GYG2: variants seen among roughly 807,000 people sequenced by gnomAD.
GYG2 encodes the protein glycogenin 2, also known as glycogenin-2.
A neutral mutation model predicts 29.4 loss-of-function variants in GYG2; 29 were observed. The observed-to-expected ratio is 0.99, with a 90% CI of 0.74 to 1.35. GYG2 has a LOEUF of 1.35. GYG2 is among the 40% of genes most tolerant of loss of function. The probability of loss-of-function intolerance (pLI) is 0.00; values close to 1 mark genes in which losing one functional copy is unlikely to be tolerated. For missense variants in GYG2, 370 were observed against 385.7 expected (o/e 0.96, Z 0.34); for synonymous variants, 167 against 172.3 (o/e 0.97, Z 0.24).
chrX:2,860,663 T>A (rs1304339309), intron 7 of GYG2, among the ~76,000 whole-genome samples: 1 of 79,983 alleles, frequency 1.3e-5, no homozygotes, highest in African/African-American at 4.2e-5. Context: ...TTTTTTTTTT[T>A]AACTAGAGCA....
At chrX:2,865,343 C>G (rs1299305202) in intron 8 of GYG2, among the ~76,000 whole-genome samples, 1 of 111,507 alleles carries the variant, frequency 9.0e-6, no homozygotes, top group Non-Finnish European at 1.9e-5. Flanking sequence ...AGTGACAGCA[C>G]TTAGCACTCT....
At chrX:2,868,587 TA>T (rs2088366094) in intron 8 of GYG2, among the ~76,000 whole-genome samples, 1 of 110,496 alleles carries the variant, frequency 9.1e-6, no homozygotes, top group East Asian at 2.8e-4. Flanking sequence ...GAAATTGACC[TA>T]AAAAAATTTG....
At chrX:2,840,680 A>C (rs1184896093) in intron 2 of GYG2, among the ~76,000 whole-genome samples, 1 of 111,577 alleles carries the variant, frequency 9.0e-6, no homozygotes, top group Non-Finnish European at 1.9e-5. Flanking sequence ...TGATAGGTAG[A>C]TGGTAGGTAT....
chrX:2,864,624 CG>C (rs1202607131), intron 8 of GYG2, among the ~76,000 whole-genome samples: 1 of 111,302 alleles, frequency 9.0e-6, no homozygotes, highest in East Asian at 2.8e-4. Context: ...TTTCCGGTTG[CG>C]TAATTTTAAT....
In GYG2 at chrX:2,881,178, C is replaced by G. The variant is rs981479643; in HGVS notation, c.1378C>G (p.Arg460Gly). ...CTACATGGGGAAGGACGCGTTTGCT[C>G]GCATCCAGGAGAAGCTGGACCGGTT... ...IDYMGKDAFA[R>G]IQEKLDRFLQ Residue 460 changes from arginine to glycine, a missense_variant, in exon 11 of 11, where the codon CGC becomes GGC. Arg to Gly is a moderately radical substitution (Grantham distance 125). Transcript: ENST00000398806. 17 of 1,197,737 alleles carry G rather than the reference C, an allele frequency of 1.4e-5. No homozygotes were observed. The highest frequency in any genetic ancestry group is 1.6e-5 in the Non-Finnish European group (14 of 888,974).
intron 8 of GYG2, among the ~76,000 whole-genome samples, chrX:2,872,568 T>C (rs1037935542): frequency 1.8e-5 from 2 of 112,522 alleles, no homozygotes; most frequent in African/African-American, 6.5e-5. Context: ...ACTTGCATCA[T>C]TATTTCATCC....
rs1030059369 is a variant in GYG2, at chrX:2,881,269, G to T, written c.*56G>T. ...AGACAATGTCCTGTTGGGTGGTCCT[G>T]TTGCGTGGAGATCTCCTCTGGTCCT... On this transcript the variant is annotated 3_prime_UTR_variant, in exon 11 of 11. Coordinates refer to ENST00000398806, the MANE Select transcript of GYG2 (RefSeq NM_001079855.2). 1 of 971,657 alleles carries T rather than the reference G, an allele frequency of 1.0e-6. No individual in the cohort carries two copies. The highest frequency in any genetic ancestry group is 2.4e-5 in the South Asian group (1 of 41,531). The allele number at this position is 971,657 out of a possible 1,213,427, so 80.1% of individuals were successfully genotyped here. A position where few individuals can be genotyped will look rare whatever the true frequency, so the allele number is the denominator to read the frequency against.
At chrX:2,847,561 G>T (rs907574215) in intron 3 of GYG2, among the ~76,000 whole-genome samples, 2 of 104,004 alleles carry the variant, frequency 1.9e-5, no homozygotes, top group Admixed American at 1.1e-4. Context: ...AAAATTAGCT[G>T]GGTGTGGTGG....
At chrX:2,854,937 CAGAAGCATTGGTAAA>C (rs1603459312) in intron 4 of GYG2, 41 bp from the exon 5 acceptor site, 6 of 1,168,893 alleles carry the variant, frequency 5.1e-6, no homozygotes, top group Non-Finnish European at 6.9e-6. Context: ...GTCTCAAAAA[CAGAAGCATTGGTAAA>C]AGAAGCATTG....
intron 8 of GYG2, 30 bp downstream of exon 8, chrX:2,861,752 T>TA (rs1178063916): frequency 9.5e-7 from 1 of 1,057,964 alleles, no homozygotes; most frequent in African/African-American, 1.9e-5. Context: ...ACAGGTGTGA[T>TA]AGTCAGACGC....
Position 2,851,399 on chromosome X carries a change from G to A in GYG2, c.150-2581G>A, listed in dbSNP as rs180819216. 4.3e-3 allele frequency among the ~76,000 whole-genome samples: 481 copies of A among 111,157 alleles called. 3 individuals are homozygous for A. Among genetic ancestry groups the A allele is most frequent in the African/African-American group, 0.015 (453 of 30,600 alleles). On this transcript the variant is annotated intron_variant, in intron 3 of 10. Transcript: ENST00000398806. ...TAGCTGGGATTAGTTTCCCGCCACC[G>A]CACCCGGCTAGTTTTTGTATTTTTA...
rs2088189062 is a variant in GYG2, at chrX:2,862,338, G to C, written c.1038+616G>C. Among the ~76,000 whole-genome samples the C allele has an allele frequency of 2.7e-5, 3 of 111,695 alleles. No homozygotes were observed. In the Admixed American group the frequency reaches 2.9e-4, roughly 11 times the overall value. ...AACTATCAGATGGTCAGTCTGCCTT[G>C]GTGTAAACCACCCAGTTTGTGGCTG... On this transcript the variant is annotated intron_variant, in intron 8 of 10. Transcript: ENST00000398806.
chrX:2,832,151 A>G (rs189634079), intron 2 of GYG2, among the ~76,000 whole-genome samples: 8 of 112,831 alleles, frequency 7.1e-5, no homozygotes, highest in African/African-American at 2.6e-4. Flanking sequence ...CTTCTGTTCT[A>G]TTTCAATCTG....
In GYG2 at chrX:2,881,225, G is replaced by T; in HGVS notation, c.*12G>T. On this transcript the variant is annotated 3_prime_UTR_variant, in exon 11 of 11. Transcript: ENST00000398806. ...GGTTCCTGCAGTAATCCGGCAGCTG[G>T]TGGGCGTTGTGTGTAGTTAGACAAT... The T allele has an allele frequency of 1.7e-6, 2 of 1,159,388 alleles. No homozygotes were observed. Among genetic ancestry groups the T allele is most frequent in the Non-Finnish European group, 2.3e-6 (2 of 866,558 alleles).
chrX:2,845,627 T>TTACATACATTTATATACGCATGTGTATG (rs2087692163), intron 3 of GYG2, among the ~76,000 whole-genome samples: 1 of 104,925 alleles, frequency 9.5e-6, no homozygotes, highest in African/African-American at 3.5e-5. Flanking sequence ...GCATGTGTAT[T>TTACATACATTTATATACGCATGTGTATG]TACATACATT....
chrX:2,860,049 C>T lies in GYG2; in HGVS notation c.821C>T (p.Ala274Val), dbSNP rs764375681. The T allele has an allele frequency of 1.5e-5, 18 of 1,168,289 alleles. No individual in the cohort carries two copies. The highest frequency in any genetic ancestry group is 7.1e-5 in the African/African-American group (4 of 56,129). Residue 274 changes from alanine to valine, a missense_variant, in exon 7 of 11, where the codon GCG becomes GTG. By Grantham distance (64) the Ala-to-Val change is moderately conservative. Coordinates refer to ENST00000398806, the MANE Select transcript of GYG2 (RefSeq NM_001079855.2). The stretch of plus-strand genomic sequence containing the variant: ...AGCGTCCAAGCGGGGGAAGCACGCG[C>T]GTCTCCTGGTCACACAGTAAGTGGG... ...YKSVQAGEAR[A>V]SPGHTLCHSD...
intron 2 of GYG2, among the ~76,000 whole-genome samples, chrX:2,830,543 C>G (rs1224026729): frequency 8.9e-6 from 1 of 112,245 alleles, no homozygotes; most frequent in Non-Finnish European, 1.9e-5. Context: ...AGTCTGTTCT[C>G]CTGAAATGGC....
At chrX:2,837,838 T>C (rs1474603693) in intron 2 of GYG2, among the ~76,000 whole-genome samples, 6 of 100,310 alleles carry the variant, frequency 6.0e-5, no homozygotes, top group Admixed American at 1.1e-4. Flanking sequence ...TGCAATTAAA[T>C]ACACACACAC....
chrX:2,841,276 G>C (rs1313019904), intron 2 of GYG2, among the ~76,000 whole-genome samples: 3 of 109,335 alleles, frequency 2.7e-5, no homozygotes, highest in African/African-American at 1.0e-4. Flanking sequence ...GATGTGCAGA[G>C]AATTGGTAGA....
Sources: gnomAD v4.1 joint callset for allele counts (sites outside exome capture counted in the v4.1 genomes callset) on GRCh38, gnomAD v4.1.1 for gene constraint, MANE v1.5 for transcripts, NCBI Gene and HGNC (gene_info 2026-07-23, HGNC 2026-07-21) for gene names.